The following COBL variants were observed in gnomAD, a reference collection of about 807,000 sequenced individuals.
COBL encodes protein cordon-bleu.
Under a neutral mutation model 98.8 loss-of-function variants are expected in COBL, and 51 were observed. The ratio of observed to expected loss-of-function variants is 0.52; its 90% CI spans 0.41 to 0.65. The LOEUF is 0.65. Among genes scored for constraint, COBL ranks in the 30% least tolerant of loss-of-function variants. The pLI, the probability that COBL is intolerant of heterozygous loss-of-function variation, is 0.00. For synonymous variants in COBL, 634 were observed against 651.7 expected, an observed-to-expected ratio of 0.97 and a Z score of 0.41; for missense variants, 1,617 against 1,617.5, an observed-to-expected ratio of 1.00 and a Z score of 0.01.
chr7:51,193,344 C>T, intron 3 of COBL, 35 bp downstream of exon 3: 1 of 1,587,862 alleles, frequency 6.3e-7, no homozygotes, highest in Admixed American at 1.7e-5. Flanking sequence ...GCCACACATT[C>T]AGACACAGGT....
At chr7:51,116,416 T>C (rs1583847781) in intron 6 of COBL, among the ~76,000 whole-genome samples, 1 of 152,172 alleles carries the variant, frequency 6.6e-6, no homozygotes, top group East Asian at 1.9e-4. Context: ...ACATCAAATG[T>C]GGATAACTTA....
intron 1 of COBL, among the ~76,000 whole-genome samples, chr7:51,225,386 C>G (rs1794085532): frequency 6.6e-6 from 1 of 152,196 alleles, no homozygotes. Context: ...GGCCATCAGA[C>G]CTGGGACCTT....
chr7:51,100,300 G>A (rs1486728353), intron 6 of COBL, among the ~76,000 whole-genome samples: 3 of 152,210 alleles, frequency 2.0e-5, no homozygotes, highest in Non-Finnish European at 4.4e-5. Flanking sequence ...GGGCTGCTGA[G>A]TCCTTTCTCT....
chr7:51,130,031 T>C lies in COBL; in HGVS notation c.957+6127A>G, dbSNP rs187292469. Among the ~76,000 whole-genome samples, 4 of 152,144 alleles carry C rather than the reference T, an allele frequency of 2.6e-5. No individual in the cohort carries two copies. The East Asian group carries it at 7.8e-4, about 29-fold the overall frequency. ...GAGTGCAGGTGGGAGCAAAGGGAAA[T>C]GGCTGGATTCTGGATACACTTCAAA... On this transcript the variant is annotated intron_variant, in intron 6 of 12. Coordinates refer to ENST00000265136, the MANE Select transcript of COBL (RefSeq NM_015198.5).
chr7:51,237,684 G>A (rs1373818101), intron 1 of COBL, among the ~76,000 whole-genome samples: 3 of 152,092 alleles, frequency 2.0e-5, no homozygotes, highest in African/African-American at 7.2e-5. Flanking sequence ...CCATGCTAGG[G>A]TGCCTTGGGC....
intron 2 of COBL, among the ~76,000 whole-genome samples, chr7:51,201,919 A>G (rs1322250917): frequency 6.6e-6 from 1 of 152,230 alleles, no homozygotes; most frequent in Middle Eastern, 3.2e-3. Context: ...CACAAATTTA[A>G]TCAGTGTGAT....
chr7:51,059,042 G>A (rs1791059624), intron 7 of COBL, among the ~76,000 whole-genome samples: 1 of 152,232 alleles, frequency 6.6e-6, no homozygotes, highest in Non-Finnish European at 1.5e-5. Flanking sequence ...GTGAGTATAA[G>A]TGCACCTGCA....
Position 51,029,299 on chromosome 7 carries a change from G to A in COBL, c.1797C>T (p.Ala599=). The A allele has an allele frequency of 1.6e-5, 25 of 1,603,276 alleles. No homozygotes were observed. The highest frequency in any genetic ancestry group is 2.1e-5 in the Non-Finnish European group (25 of 1,173,792). ...PHEKAREEVP[A]LHPASHDVGK... is the part of the protein sequence containing the mutation. ...CGACGTCATGGGAAGCGGGGTGCAG[G>A]GCAGGTACTTCCTCCCTTGCCTTTT... The change falls in exon 10 of 13, where the codon GCC becomes GCT. Residue 599 remains alanine (A), a synonymous_variant. Transcript: ENST00000265136.
At chr7:51,116,663 T>A (rs1053887928) in intron 6 of COBL, among the ~76,000 whole-genome samples, 5 of 152,146 alleles carry the variant, frequency 3.3e-5, no homozygotes, top group Non-Finnish European at 7.4e-5. Flanking sequence ...CTGACACTCT[T>A]TATGTCTTTC....
In COBL at chr7:51,017,389, C is replaced by G; in HGVS notation, c.*162G>C. ...GACACAGCATCTTCTCCTTTCCTTTCAAGCCGTTATACAGGAACACACCGA... is the reference window on the plus strand; with the variant it reads ...GACACAGCATCTTCTCCTTTCCTTTGAAGCCGTTATACAGGAACACACCGA... On this transcript the variant is annotated 3_prime_UTR_variant, in exon 13 of 13. Coordinates refer to ENST00000265136, the MANE Select transcript of COBL (RefSeq NM_015198.5). 1 of 695,964 alleles carries G rather than the reference C, an allele frequency of 1.4e-6. No homozygotes were observed. 43.1% of individuals were successfully genotyped at this position (695,964 alleles called of 1,614,324 possible).
intron 8 of COBL, chr7:51,032,227 G>C (rs1394898388): frequency 6.6e-6 from 1 of 152,166 alleles, no homozygotes; most frequent in African/African-American, 2.4e-5. Context: ...TGTGGCACGG[G>C]GCATCCAGGA....
At chr7:51,157,832 T>C (rs1210664020) in intron 5 of COBL, among the ~76,000 whole-genome samples, 2 of 152,200 alleles carry the variant, frequency 1.3e-5, no homozygotes, top group Non-Finnish European at 2.9e-5. Context: ...TGTGAGGTCA[T>C]GGATATGGTA....
chr7:51,150,974 C>A (rs182860058), intron 5 of COBL, among the ~76,000 whole-genome samples: 13 of 152,220 alleles, frequency 8.5e-5, no homozygotes, highest in South Asian at 2.1e-4. Context: ...ACCTGCCCCC[C>A]TCCCCGCCCC....
chr7:51,300,072 C>T (rs1801791296), intron 1 of COBL, among the ~76,000 whole-genome samples: 1 of 152,172 alleles, frequency 6.6e-6, no homozygotes, highest in South Asian at 2.1e-4. Flanking sequence ...GCTGTGCCTT[C>T]CTTACTTCCC....
In COBL at chr7:51,029,197, A is replaced by C; in HGVS notation, c.1899T>G (p.Ser633=). ...NLMETAPRVT[S]FASNLHTDNL... ...TGTCTGTGTGAAGATTCGAAGCAAA[A>C]GAAGTCACCCTGGGCGCCGTTTCCA... Residue 633 remains serine (S), a synonymous_variant, in exon 10 of 13, where the codon TCT becomes TCG. Transcript: ENST00000265136. 3 of 1,614,164 alleles carry C rather than the reference A, an allele frequency of 1.9e-6. No homozygotes were observed. In the Middle Eastern group the frequency reaches 4.9e-4, roughly 266 times the overall value.
intron 5 of COBL, among the ~76,000 whole-genome samples, chr7:51,156,870 G>A (rs914164072): frequency 1.3e-5 from 2 of 152,024 alleles, no homozygotes; most frequent in Admixed American, 6.6e-5. Context: ...AGAAACACAG[G>A]TGCCCCTAAG....
intron 7 of COBL, among the ~76,000 whole-genome samples, chr7:51,074,349 C>T (rs1431740815): frequency 1.3e-5 from 2 of 152,038 alleles, no homozygotes; most frequent in Non-Finnish European, 2.9e-5. Context: ...GCATGCACCG[C>T]CATGCCTGGC....
chr7:51,105,684 G>C (rs527284321), intron 6 of COBL, among the ~76,000 whole-genome samples: 1 of 152,028 alleles, frequency 6.6e-6, no homozygotes, highest in Non-Finnish European at 1.5e-5. Flanking sequence ...CCAGTAGTTC[G>C]AGGCTGCAGT....
chr7:51,179,215 T>C (rs750010981), intron 5 of COBL, among the ~76,000 whole-genome samples: 2 of 152,178 alleles, frequency 1.3e-5, no homozygotes, highest in Non-Finnish European at 2.9e-5. Context: ...TAAGAGTGTT[T>C]AACTTTCTTT....
Sources: gnomAD v4.1 joint callset for allele counts (sites outside exome capture counted in the v4.1 genomes callset) on GRCh38, gnomAD v4.1.1 for gene constraint, MANE v1.5 for transcripts, NCBI Gene and HGNC (gene_info 2026-07-23, HGNC 2026-07-21) for gene names.